ZSWIM5: variants seen among roughly 807,000 people sequenced by gnomAD.
The protein encoded by ZSWIM5 is zinc finger SWIM-type containing 5, also known as zinc finger SWIM domain-containing protein 5.
In ZSWIM5, 55 loss-of-function variants were observed where a neutral mutation model predicts 119.6. That is an observed-to-expected ratio of 0.46 (90% CI 0.37 to 0.58). ZSWIM5 has a LOEUF of 0.58. ZSWIM5 is among the 20% of genes least tolerant of loss of function. The pLI, the probability that ZSWIM5 is intolerant of heterozygous loss-of-function variation, is 0.00. For missense variants in ZSWIM5, 1,193 were observed against 1,512.8 expected (o/e 0.79, Z 3.51); for synonymous variants, 537 against 606.9 (o/e 0.88, Z 1.69).
At position 45,149,799 on chromosome 1, in the gene ZSWIM5, T is replaced by C. The variant is rs144350802; in HGVS notation, c.595+55957A>G. Among the ~76,000 whole-genome samples the C allele has an allele frequency of 5.9e-4, 90 of 152,362 alleles. No individual in the cohort carries two copies. The East Asian group carries it at 0.017, about 28-fold the overall frequency. On this transcript the variant is annotated intron_variant, in intron 1 of 13. Transcript: ENST00000359600. ...TCACATTCTTTATAAAACAATACTT[T>C]GTTCATTTTTCCCTATAAATTACGT... is the stretch of plus-strand genomic sequence containing the variant.
intron 1 of ZSWIM5, among the ~76,000 whole-genome samples, chr1:45,128,452 G>C (rs1243735712): frequency 6.6e-6 from 1 of 152,112 alleles, no homozygotes; most frequent in Admixed American, 6.6e-5. Context: ...TCCCGCTTTG[G>C]CCTCCCAAAG....
intron 1 of ZSWIM5, among the ~76,000 whole-genome samples, chr1:45,126,200 A>C (rs914326348): frequency 2.6e-5 from 4 of 151,898 alleles, no homozygotes; most frequent in African/African-American, 9.7e-5. Context: ...AGGTAAAGAG[A>C]AGAAATCCAT....
chr1:45,018,372 T>C lies in ZSWIM5; in HGVS notation c.*82A>G. The C allele has an allele frequency of 1.3e-6, 2 of 1,531,206 alleles. No homozygotes were observed. The highest frequency in any genetic ancestry group is 4.5e-5 in the East Asian group (2 of 44,326). The allele number at this position is 1,531,206 out of a possible 1,614,324, so 94.9% of individuals were successfully genotyped here. A position where few individuals can be genotyped will look rare whatever the true frequency, so the allele number is the denominator to read the frequency against. ...ACAGGTGCTCAGAGTTCTCTCAGGG[T>C]GGACAAATGTTTCAGTGCCCTTGGC... On this transcript the variant is annotated 3_prime_UTR_variant, in exon 14 of 14. Coordinates refer to ENST00000359600, the MANE Select transcript of ZSWIM5 (RefSeq NM_020883.2). This position sits in a 1 kb window ranked among gnomAD's most constrained non-coding sequence, Gnocchi z 6.7.
chr1:45,040,621 C>T, intron 6 of ZSWIM5, 83 bp from the exon 7 acceptor site: 3 of 1,268,068 alleles, frequency 2.4e-6, no homozygotes, highest in South Asian at 1.7e-5. Flanking sequence ...AGTTTGTATT[C>T]AGTCCAGTTC....
intron 1 of ZSWIM5, among the ~76,000 whole-genome samples, chr1:45,188,032 G>T (rs1646069634): frequency 6.6e-6 from 1 of 152,180 alleles, no homozygotes; most frequent in South Asian, 2.1e-4. Context: ...TTGGAAAATA[G>T]TTTGGCAGTT....
intron 1 of ZSWIM5, among the ~76,000 whole-genome samples, chr1:45,205,012 G>T (rs1646178700): frequency 6.6e-6 from 1 of 152,000 alleles, no homozygotes; most frequent in Non-Finnish European, 1.5e-5. Flanking sequence ...AAAGATAAAA[G>T]CAAATAGGAC....
rs1369085269 is a variant in ZSWIM5 at position 45,205,998 on chromosome 1, C to T, written c.353G>A (p.Arg118Gln). 6.5e-7 allele frequency: 1 copy of T among 1,534,320 alleles called. No homozygotes were observed. Among genetic ancestry groups the T allele is most frequent in the Admixed American group, 2.0e-5 (1 of 50,546 alleles). Residue 118 changes from arginine (R) to glutamine (Q), a missense_variant, in exon 1 of 14, where the codon CGG becomes CAG. Arg to Gln is a conservative substitution (Grantham distance 43). This residue lies in a region of ZSWIM5 where 232 missense variants were observed against 222.9 expected (regional missense o/e 1.04). Transcript: ENST00000359600. The part of the protein sequence containing the change: ...EICMYSSFQY[R>Q]GGPGAGAAGG... Reference sequence around the variant, plus strand: ...AGCAGCGCCGGCGCCGGGGCCGCCCCGGTACTGGAAGCTGGAGTACATGCA... The same window carrying T: ...AGCAGCGCCGGCGCCGGGGCCGCCCTGGTACTGGAAGCTGGAGTACATGCA...
At chr1:45,180,136 C>T (rs897223109) in intron 1 of ZSWIM5, among the ~76,000 whole-genome samples, 2 of 152,192 alleles carry the variant, frequency 1.3e-5, no homozygotes, top group African/African-American at 4.8e-5. Flanking sequence ...GAGGCACTGA[C>T]TCACTCGGGA....
chr1:45,077,756 G>A lies in ZSWIM5; in HGVS notation c.952+10125C>T, dbSNP rs548498128. Among the ~76,000 whole-genome samples, 8 of 152,274 alleles carry A rather than the reference G, an allele frequency of 5.3e-5. No individual in the cohort carries two copies. In the South Asian group the frequency reaches 1.0e-3, roughly 20 times the overall value. On this transcript the variant is annotated intron_variant, in intron 2 of 13. Coordinates refer to ENST00000359600, the MANE Select transcript of ZSWIM5 (RefSeq NM_020883.2). ...ATAAGAGACAGGTACGCCCCGGGGG[G>A]GCCAGTTCAGAGACCTACCCCTAGG...
intron 2 of ZSWIM5, among the ~76,000 whole-genome samples, chr1:45,080,667 C>A (rs1333582544): frequency 6.6e-6 from 1 of 151,756 alleles, no homozygotes; most frequent in Non-Finnish European, 1.5e-5. Flanking sequence ...TTGGTGTCCT[C>A]ATGTGAGGAG....
chr1:45,151,623 T>C (rs967218070), intron 1 of ZSWIM5, among the ~76,000 whole-genome samples: 4 of 152,144 alleles, frequency 2.6e-5, no homozygotes, highest in African/African-American at 9.6e-5. Context: ...CCTAACCTAG[T>C]GGGATTAGGA....
At chr1:45,086,881 A>AT (rs377217727) in intron 2 of ZSWIM5, among the ~76,000 whole-genome samples, 20,255 of 131,954 alleles carry the variant, frequency 0.15, 1,847 homozygotes, top group Non-Finnish European at 0.18. Flanking sequence ...TTCTTCTTAA[A>AT]TTTTTTTTTT....
chr1:45,154,860 T>C (rs560941614), intron 1 of ZSWIM5, among the ~76,000 whole-genome samples: 1 of 150,764 alleles, frequency 6.6e-6, no homozygotes, highest in South Asian at 2.1e-4. Context: ...CCAGCCTGAG[T>C]GACAAGAGTG....
intron 1 of ZSWIM5, among the ~76,000 whole-genome samples, chr1:45,133,547 T>C (rs376650261): frequency 1.3e-5 from 2 of 152,156 alleles, no homozygotes; most frequent in African/African-American, 2.4e-5. Flanking sequence ...AAATTTTCTC[T>C]CATTCTGTAG....
At chr1:45,191,381 G>A (rs528374665) in intron 1 of ZSWIM5, among the ~76,000 whole-genome samples, 1 of 152,110 alleles carries the variant, frequency 6.6e-6, no homozygotes, top group African/African-American at 2.4e-5. Context: ...AAGCACTTCC[G>A]GCAGCTGGGC....
chr1:45,175,711 C>T (rs962453014), intron 1 of ZSWIM5, among the ~76,000 whole-genome samples: 6 of 151,514 alleles, frequency 4.0e-5, no homozygotes, highest in Non-Finnish European at 2.9e-5. Context: ...CTCAGCCTCC[C>T]GAAGTGCTGG....
chr1:45,174,214 C>A (rs962120828), intron 1 of ZSWIM5, among the ~76,000 whole-genome samples: 1 of 151,954 alleles, frequency 6.6e-6, no homozygotes, highest in Admixed American at 6.6e-5. Context: ...ACAGAGGTTG[C>A]AGTGAGCCAA....
chr1:45,125,088 T>C (rs1318567608), intron 1 of ZSWIM5, among the ~76,000 whole-genome samples: 1 of 152,160 alleles, frequency 6.6e-6, no homozygotes, highest in Non-Finnish European at 1.5e-5. Context: ...ACCAAGAGAA[T>C]TCAATCGATA....
chr1:45,042,605 G>A (rs1645023256), intron 6 of ZSWIM5, among the ~76,000 whole-genome samples: 1 of 152,142 alleles, frequency 6.6e-6, no homozygotes, highest in African/African-American at 2.4e-5. Context: ...TTGCTGTAAG[G>A]CTTGGAAAAT....
Sources: gnomAD v4.1 joint callset for allele counts (sites outside exome capture counted in the v4.1 genomes callset) on GRCh38, gnomAD v4.1.1 for gene constraint, gnomAD v4.1.1 regional missense constraint, Gnocchi (gnomAD v3.1) non-coding constraint, MANE v1.5 for transcripts, NCBI Gene and HGNC (gene_info 2026-07-23, HGNC 2026-07-21) for gene names.